The following PHC2 variants were observed in gnomAD, a reference collection of about 807,000 sequenced individuals.
The protein encoded by PHC2 is polyhomeotic-like protein 2.
A neutral mutation model predicts 87.4 loss-of-function variants in PHC2; 29 were observed. The observed-to-expected ratio is 0.33, with a 90% CI of 0.25 to 0.45. PHC2 has a LOEUF of 0.45. PHC2 is among the 20% of genes least tolerant of loss of function. The probability of loss-of-function intolerance (pLI) is 1.00; values close to 1 mark genes in which losing one functional copy is unlikely to be tolerated. For missense variants in PHC2, 857 were observed against 1,136.7 expected (o/e 0.75, Z 3.54); for synonymous variants, 438 against 461.7 (o/e 0.95, Z 0.66).
chr1:33,364,179 C>T lies in PHC2; in HGVS notation c.976+2937G>A, dbSNP rs1407628847. Among the ~76,000 whole-genome samples the T allele has an allele frequency of 1.3e-5, 2 of 152,020 alleles. No individual in the cohort carries two copies. Among genetic ancestry groups the T allele is most frequent in the African/African-American group, 4.8e-5 (2 of 41,376 alleles). On this transcript the variant is annotated intron_variant, in intron 7 of 14. Coordinates refer to ENST00000683057, the MANE Select transcript of PHC2 (RefSeq NM_001385109.1). The surrounding 1 kb of genome is among the most constrained non-coding windows in gnomAD (Gnocchi z 4.1). The stretch of plus-strand genomic sequence containing the variant: ...GTCCCAGCTGGGACTGGAGGGTCTG[C>T]CTGCTCTGGGAGGAAACAGCCCCCA...
intron 9 of PHC2, among the ~76,000 whole-genome samples, chr1:33,348,145 G>A (rs767903971): frequency 6.6e-6 from 1 of 152,178 alleles, no homozygotes; most frequent in Non-Finnish European, 1.5e-5. Context: ...CCTCTTGCCC[G>A]ATAACCAACA....
chr1:33,411,272 C>G (rs1476747281), intron 1 of PHC2, among the ~76,000 whole-genome samples: 1 of 152,134 alleles, frequency 6.6e-6, no homozygotes, highest in Non-Finnish European at 1.5e-5. Context: ...ATCAAGAAAT[C>G]TCAATATAAT....
chr1:33,418,828 G>C (rs773847617), intron 1 of PHC2, among the ~76,000 whole-genome samples: 1 of 152,168 alleles, frequency 6.6e-6, no homozygotes, highest in African/African-American at 2.4e-5. Context: ...TAATGGAAAA[G>C]GGTAAAAACA....
At chr1:33,345,396 A>G in intron 9 of PHC2, 1 of 242,484 alleles carries the variant, frequency 4.1e-6, no homozygotes, top group Non-Finnish European at 6.6e-6. Context: ...TACCAGATGT[A>G]GAAAGAATGT....
rs1028089904 is a variant in PHC2 at position 33,364,910 on chromosome 1, T to C, written c.976+2206A>G. Reference sequence around the variant, plus strand: ...CTCAAGCCTGTCACCTGCTGGTGTTTACCTTTACATGGGGTCTCCACCAGA... The same window carrying C: ...CTCAAGCCTGTCACCTGCTGGTGTTCACCTTTACATGGGGTCTCCACCAGA... On this transcript the variant is annotated intron_variant, in intron 7 of 14. Transcript: ENST00000683057. This position sits in a 1 kb window ranked among gnomAD's most constrained non-coding sequence, Gnocchi z 4.1. Among the ~76,000 whole-genome samples, 5 of 152,228 alleles carry C rather than the reference T, an allele frequency of 3.3e-5. No individual in the cohort carries two copies. The highest frequency in any genetic ancestry group is 2.6e-4 in the Admixed American group (4 of 15,286).
At chr1:33,365,042 G>A (rs935089455) in intron 7 of PHC2, among the ~76,000 whole-genome samples, 14 of 152,206 alleles carry the variant, frequency 9.2e-5, no homozygotes, top group Admixed American at 7.9e-4. Context: ...TGAGAGGGAC[G>A]ATCTGGCTTG....
intron 1 of PHC2, among the ~76,000 whole-genome samples, chr1:33,389,673 A>G (rs2148359253): frequency 6.6e-6 from 1 of 152,288 alleles, no homozygotes; most frequent in East Asian, 1.9e-4. Flanking sequence ...AATTGCTATT[A>G]ACATTCCTTT....
chr1:33,348,398 A>T (rs1402798810), intron 9 of PHC2, among the ~76,000 whole-genome samples: 1 of 152,192 alleles, frequency 6.6e-6, no homozygotes, highest in Non-Finnish European at 1.5e-5. Context: ...ATTTGGGTTG[A>T]CTCAGGCGGG....
chr1:33,359,756 T>C (rs1008883095), intron 7 of PHC2, among the ~76,000 whole-genome samples: 1 of 152,166 alleles, frequency 6.6e-6, no homozygotes, highest in Non-Finnish European at 1.5e-5. Flanking sequence ...AGCAAGTAAG[T>C]GTTTAACATG....
At position 33,385,069 on chromosome 1, in the gene PHC2, AC is replaced by A. The variant is rs564351954; in HGVS notation, c.-54-9477del. ...ATGGCTACTCTCAACAGGGCCTAGG[AC>A]ATGTAAATTTTGATTTGGGAATGGA... On this transcript the variant is annotated intron_variant, in intron 1 of 14. Coordinates refer to ENST00000683057, the MANE Select transcript of PHC2 (RefSeq NM_001385109.1). Among the ~76,000 whole-genome samples the A allele has an allele frequency of 5.7e-4, 87 of 152,304 alleles. No homozygotes were observed. The South Asian group carries it at 0.017, about 30-fold the overall frequency.
chr1:33,376,873 G>C (rs1011622204), intron 1 of PHC2, among the ~76,000 whole-genome samples: 2 of 152,190 alleles, frequency 1.3e-5, no homozygotes, highest in African/African-American at 4.8e-5. Flanking sequence ...AGGTTGCAGT[G>C]AGCTGAGATC....
intron 1 of PHC2, among the ~76,000 whole-genome samples, chr1:33,404,004 C>T (rs1649651894): frequency 6.6e-6 from 1 of 152,202 alleles, no homozygotes; most frequent in Non-Finnish European, 1.5e-5. Context: ...CACATCTATG[C>T]CTATGGCTTC....
chr1:33,424,670 T>A (rs935168508), intron 1 of PHC2, among the ~76,000 whole-genome samples: 17 of 152,380 alleles, frequency 1.1e-4, no homozygotes, highest in African/African-American at 2.9e-4. Context: ...TAAATATTTT[T>A]AAATACATTT....
chr1:33,364,380 AC>A lies in PHC2; in HGVS notation c.976+2735del, dbSNP rs1557834654. Among the ~76,000 whole-genome samples, 1 of 140,342 alleles carries A rather than the reference AC, an allele frequency of 7.1e-6. No homozygotes were observed. Among genetic ancestry groups the A allele is most frequent in the Non-Finnish European group, 1.5e-5 (1 of 66,264 alleles). 92.1% of individuals were successfully genotyped at this position (140,342 alleles called of 152,430 possible). On this transcript the variant is annotated intron_variant, in intron 7 of 14. Coordinates refer to ENST00000683057, the MANE Select transcript of PHC2 (RefSeq NM_001385109.1). This position sits in a 1 kb window ranked among gnomAD's most constrained non-coding sequence, Gnocchi z 4.1. ...CCCAGACACACACACACACACACAC[AC>A]ACTTGCTTTCACACACACACACACA...
intron 1 of PHC2, among the ~76,000 whole-genome samples, chr1:33,421,607 G>A (rs1056326593): frequency 6.6e-6 from 1 of 152,126 alleles, no homozygotes; most frequent in African/African-American, 2.4e-5. Flanking sequence ...ACAGAGGATA[G>A]ACAAGAGAAG....
At chr1:33,354,151 G>A (rs1462777694) in intron 9 of PHC2, among the ~76,000 whole-genome samples, 1 of 152,200 alleles carries the variant, frequency 6.6e-6, no homozygotes, top group Non-Finnish European at 1.5e-5. Context: ...GTGACATGCA[G>A]GTAGGCCCCA....
At chr1:33,404,684 G>T (rs1453217862) in intron 1 of PHC2, among the ~76,000 whole-genome samples, 1 of 152,168 alleles carries the variant, frequency 6.6e-6, no homozygotes, top group East Asian at 1.9e-4. Context: ...AGCACTCTGG[G>T]ATAGAGTGAT....
In PHC2 at chr1:33,369,343, C is replaced by T. The variant is rs998756464; in HGVS notation, c.577-721G>A. 2.0e-5 allele frequency among the ~76,000 whole-genome samples: 3 copies of T among 152,172 alleles called. No homozygotes were observed. The highest frequency in any genetic ancestry group is 2.4e-5 in the African/African-American group (1 of 41,434). The stretch of plus-strand genomic sequence containing the variant: ...TGCTTTCCCTAGAACTCTGCGATAG[C>T]GCAGCTGTGCTTTTTCCTCTGTGGG... On this transcript the variant is annotated intron_variant, in intron 5 of 14. Transcript: ENST00000683057. This position sits in a 1 kb window ranked among gnomAD's most constrained non-coding sequence, Gnocchi z 4.7.
chr1:33,370,644 C>G, intron 4 of PHC2, 59 bp from the exon 5 acceptor site: 1 of 1,490,618 alleles, frequency 6.7e-7, no homozygotes, highest in Non-Finnish European at 9.2e-7. Flanking sequence ...GCTGTGTCCC[C>G]CTCATCCATT....
Sources: gnomAD v4.1 joint callset for allele counts (sites outside exome capture counted in the v4.1 genomes callset) on GRCh38, gnomAD v4.1.1 for gene constraint, Gnocchi (gnomAD v3.1) non-coding constraint, MANE v1.5 for transcripts, NCBI Gene and HGNC (gene_info 2026-07-23, HGNC 2026-07-21) for gene names.